The following RUNX2 variants were observed in gnomAD, a reference collection of about 807,000 sequenced individuals.
The protein encoded by RUNX2 is runt-related transcription factor 2.
A neutral mutation model predicts 51.7 loss-of-function variants in RUNX2; 10 were observed. That is an observed-to-expected ratio of 0.19 (90% confidence interval 0.12 to 0.33). The LOEUF is 0.33. Ranked by LOEUF, RUNX2 falls within the 10% of genes least tolerant of loss-of-function variation. The probability of loss-of-function intolerance (pLI) is 1.00; values close to 1 mark genes in which losing one functional copy is unlikely to be tolerated. For synonymous variants in RUNX2, 276 were observed against 273.6 expected (o/e 1.01, Z -0.09); for missense variants, 562 against 691.3 (o/e 0.81, Z 2.10).
chr6:45,485,827 A>G (rs1330502000), intron 5 of RUNX2, among the ~76,000 whole-genome samples: 1 of 151,052 alleles, frequency 6.6e-6, no homozygotes, highest in African/African-American at 2.4e-5. Context: ...ATCCTAGTCA[A>G]CCTTCAAGGA....
chr6:45,364,732 AAC>A (rs1271986216), intron 2 of RUNX2, among the ~76,000 whole-genome samples: 7 of 152,322 alleles, frequency 4.6e-5, no homozygotes, highest in East Asian at 1.9e-4. Context: ...AATGCTCTGA[AAC>A]ACAGTGATTT....
chr6:45,339,761 A>T (rs936179148), intron 2 of RUNX2, among the ~76,000 whole-genome samples: 1 of 152,184 alleles, frequency 6.6e-6, no homozygotes, highest in African/African-American at 2.4e-5. Flanking sequence ...AAAATTTATT[A>T]AAGTTTTAAT....
chr6:45,404,561 A>G (rs1289137074), intron 2 of RUNX2, among the ~76,000 whole-genome samples: 2 of 152,198 alleles, frequency 1.3e-5, no homozygotes, highest in Non-Finnish European at 2.9e-5. Context: ...GTTGATTAAC[A>G]TGTATTAATC....
At chr6:45,375,928 A>C (rs902816886) in intron 2 of RUNX2, among the ~76,000 whole-genome samples, 6 of 152,194 alleles carry the variant, frequency 3.9e-5, no homozygotes, top group Non-Finnish European at 7.3e-5. Context: ...TAACCATAAA[A>C]CTAGTTCTAA....
At chr6:45,344,938 G>A (rs934194019) in intron 2 of RUNX2, among the ~76,000 whole-genome samples, 7 of 152,088 alleles carry the variant, frequency 4.6e-5, no homozygotes, top group Non-Finnish European at 8.8e-5. Context: ...AGTTGCCATG[G>A]ACTATGCTCT....
chr6:45,530,382 A>C (rs1246043612), intron 7 of RUNX2, among the ~76,000 whole-genome samples: 1 of 152,226 alleles, frequency 6.6e-6, no homozygotes, highest in African/African-American at 2.4e-5. Flanking sequence ...GTTATCTAAA[A>C]ATGTGGCAAG....
chr6:45,518,007 A>G (rs1040154048), intron 7 of RUNX2, among the ~76,000 whole-genome samples: 1 of 152,226 alleles, frequency 6.6e-6, no homozygotes, highest in Non-Finnish European at 1.5e-5. Context: ...AACTCACAGG[A>G]GGGAGGAATG....
At chr6:45,467,501 C>T (rs1209631267) in intron 5 of RUNX2, among the ~76,000 whole-genome samples, 1 of 152,018 alleles carries the variant, frequency 6.6e-6, no homozygotes, top group Non-Finnish European at 1.5e-5. Context: ...AGGCTGGTCT[C>T]GAACTCCTGA....
chr6:45,471,229 T>C (rs903298543), intron 5 of RUNX2, among the ~76,000 whole-genome samples: 1 of 152,144 alleles, frequency 6.6e-6, no homozygotes, highest in African/African-American at 2.4e-5. Flanking sequence ...ATTTGTTACA[T>C]TAAAAAGTAG....
intron 2 of RUNX2, among the ~76,000 whole-genome samples, chr6:45,402,016 C>A (rs539005027): frequency 6.6e-6 from 1 of 152,274 alleles, no homozygotes; most frequent in East Asian, 1.9e-4. Flanking sequence ...CATTCGACAT[C>A]GTATTATACT....
At chr6:45,448,876 A>G (rs1799078829) in intron 5 of RUNX2, among the ~76,000 whole-genome samples, 1 of 152,200 alleles carries the variant, frequency 6.6e-6, no homozygotes, top group Admixed American at 6.5e-5. Context: ...TGATGAAGGT[A>G]CCAAATGCAG....
At chr6:45,520,605 T>A (rs1271861166) in intron 7 of RUNX2, among the ~76,000 whole-genome samples, 1 of 152,192 alleles carries the variant, frequency 6.6e-6, no homozygotes, top group Non-Finnish European at 1.5e-5. Context: ...AGGGCCCTGT[T>A]GTTCCCTCTT....
At chr6:45,347,766 TA>T (rs575469951) in intron 2 of RUNX2, among the ~76,000 whole-genome samples, 54 of 148,698 alleles carry the variant, frequency 3.6e-4, no homozygotes, top group African/African-American at 4.5e-4. Flanking sequence ...TTCTTTTTTT[TA>T]AAAAAAAAAG....
chr6:45,388,989 G>A (rs1221467480), intron 2 of RUNX2, among the ~76,000 whole-genome samples: 1 of 152,190 alleles, frequency 6.6e-6, no homozygotes, highest in Non-Finnish European at 1.5e-5. Context: ...AATAATGGCA[G>A]TCATTTCCCA....
chr6:45,442,180 C>T (rs372105735), intron 5 of RUNX2, among the ~76,000 whole-genome samples: 3 of 152,124 alleles, frequency 2.0e-5, no homozygotes, highest in East Asian at 1.9e-4. Context: ...TCTTAAGTAG[C>T]GTAAACATGA....
intron 5 of RUNX2, among the ~76,000 whole-genome samples, chr6:45,460,936 A>C (rs2150386503): frequency 6.6e-6 from 1 of 152,340 alleles, no homozygotes; most frequent in South Asian, 2.1e-4. Context: ...TAAATGTAAA[A>C]GTCATACTAT....
chr6:45,460,475 G>A (rs894185835), intron 5 of RUNX2, among the ~76,000 whole-genome samples: 1 of 152,178 alleles, frequency 6.6e-6, no homozygotes, highest in Admixed American at 6.5e-5. Flanking sequence ...TGGAGGCTAG[G>A]AGGTGAGTAC....
intron 6 of RUNX2, among the ~76,000 whole-genome samples, chr6:45,498,108 G>A (rs984444310): frequency 2.6e-5 from 4 of 152,066 alleles, no homozygotes; most frequent in Non-Finnish European, 5.9e-5. Flanking sequence ...GGAAGTAAAG[G>A]CAGCTCTCCA....
chr6:45,403,979 G>C (rs1177837192), intron 2 of RUNX2, among the ~76,000 whole-genome samples: 2 of 152,088 alleles, frequency 1.3e-5, no homozygotes, highest in South Asian at 2.1e-4. Context: ...GAGGGAGTAG[G>C]CCGGGCGCAG....
Sources: gnomAD v4.1 joint callset for allele counts (sites outside exome capture counted in the v4.1 genomes callset) on GRCh38, gnomAD v4.1.1 for gene constraint, MANE v1.5 for transcripts, NCBI Gene and HGNC (gene_info 2026-07-23, HGNC 2026-07-21) for gene names.